RPS29: variants seen among roughly 807,000 people sequenced by gnomAD.
RPS29 encodes the protein ribosomal protein S29.
For synonymous variants in RPS29, 37 were observed against 26.9 expected (o/e 1.37, Z -1.16); for missense variants, 60 against 75.7 (o/e 0.79, Z 0.77).
At chr14:49,573,960 A>T (rs1032575191) in exon 3 of RPS29, 7 of 152,132 alleles carry the variant, frequency 4.6e-5, no homozygotes, top group Non-Finnish European at 8.8e-5. Flanking sequence ...GGCAAGTTTC[A>T]TTTCTTTTTA....
At chr14:49,575,039 CTTTCT>C (rs1881142718) in exon 3 of RPS29, 3 of 152,116 alleles carry the variant, frequency 2.0e-5, no homozygotes, top group Non-Finnish European at 2.9e-5. Flanking sequence ...TCAGGGATCT[CTTTCT>C]TTATCTTTTT....
upstream of RPS29, among the ~76,000 whole-genome samples, chr14:49,587,450 G>A (rs1411749985): frequency 6.6e-6 from 1 of 152,148 alleles, no homozygotes; most frequent in Non-Finnish European, 1.5e-5. Context: ...GTAGCACAGG[G>A]TGCAACAATT....
downstream of RPS29, among the ~76,000 whole-genome samples, chr14:49,581,876 T>G (rs762515060): frequency 2.0e-5 from 3 of 151,680 alleles, no homozygotes; most frequent in Admixed American, 6.6e-5. Flanking sequence ...CACAAAATAT[T>G]ATCCTGGCAT....
chr14:49,585,532 G>A (rs984030656), intron 2 of RPS29: 47 of 249,580 alleles, frequency 1.9e-4, no homozygotes, highest in African/African-American at 9.6e-4. Flanking sequence ...GCAGTGAGCC[G>A]TAACAACGCC....
chr14:49,592,091 T>G (rs1379074514), intron 1 of RPS29: 1 of 152,188 alleles, frequency 6.6e-6, no homozygotes, highest in Non-Finnish European at 1.5e-5. Flanking sequence ...TATTTATAAA[T>G]ACTTATGTAT....
At chr14:49,585,699 A>G (rs1881518873) in intron 2 of RPS29, 4 of 498,620 alleles carry the variant, frequency 8.0e-6, no homozygotes, top group African/African-American at 5.8e-5. Flanking sequence ...GGCACCTAAA[A>G]CTGGCTAAGC....
chr14:49,585,583 T>TA (rs71441227), intron 2 of RPS29: 58,533 of 284,992 alleles, frequency 0.21, 2,592 homozygotes, highest in Admixed American at 0.28. Flanking sequence ...ACCCTATCTC[T>TA]AAAAAAAAAA....
chr14:49,588,514 A>ATGTTT (rs67736785), upstream of RPS29, among the ~76,000 whole-genome samples: 1 of 151,596 alleles, frequency 6.6e-6, no homozygotes, highest in African/African-American at 2.4e-5. Context: ...AAGAGCTTTT[A>ATGTTT]TGTTTTGTTT....
downstream of RPS29, among the ~76,000 whole-genome samples, chr14:49,583,127 G>T (rs188787078): frequency 6.6e-6 from 1 of 152,110 alleles, no homozygotes; most frequent in South Asian, 2.1e-4. Flanking sequence ...GCCTGAACCT[G>T]CCAGGTTTTG....
At chr14:49,582,065 T>A (rs748607545), downstream of RPS29, among the ~76,000 whole-genome samples, 11 of 147,524 alleles carry the variant, frequency 7.5e-5, no homozygotes, top group Non-Finnish European at 1.2e-4. Flanking sequence ...CTCCCATCTA[T>A]CCTAATGCAA....
At chr14:49,592,944 C>T (rs1881747653) in intron 1 of RPS29, among the ~76,000 whole-genome samples, 1 of 152,054 alleles carries the variant, frequency 6.6e-6, no homozygotes, top group Non-Finnish European at 1.5e-5. Flanking sequence ...TGTCACACTA[C>T]TGCCTTTAGG....
At chr14:49,595,478 G>C (rs781059489) in intron 1 of RPS29, among the ~76,000 whole-genome samples, 3 of 152,078 alleles carry the variant, frequency 2.0e-5, no homozygotes, top group Non-Finnish European at 4.4e-5. Flanking sequence ...ATGGTGGCAC[G>C]CACCTGTAGT....
At chr14:49,586,394 C>G (rs544890619), upstream of RPS29, 4 of 1,532,416 alleles carry the variant, frequency 2.6e-6, no homozygotes, top group East Asian at 2.3e-5. Flanking sequence ...CTGGCCCACG[C>G]ATGCGCTCTT....
At chr14:49,578,442 CCT>C (rs1482915571) in intron 2 of RPS29, among the ~76,000 whole-genome samples, 8 of 151,910 alleles carry the variant, frequency 5.3e-5, no homozygotes, top group South Asian at 4.2e-4. Flanking sequence ...GATTTTTTTC[CCT>C]GTGTACTTGT....
chr14:49,588,875 CCTTTTTT>C (rs1341996389), upstream of RPS29, among the ~76,000 whole-genome samples: 75 of 108,402 alleles, frequency 6.9e-4, 1 homozygote, highest in Non-Finnish European at 1.4e-3. Context: ...GTTTCTGAGT[CCTTTTTT>C]TTTTTTTTTT....
chr14:49,581,506 T>A (rs1216830373), downstream of RPS29, among the ~76,000 whole-genome samples: 3 of 152,074 alleles, frequency 2.0e-5, no homozygotes, highest in African/African-American at 7.2e-5. Flanking sequence ...ATCCTTGGAG[T>A]CATTCTTAGA....
downstream of RPS29, among the ~76,000 whole-genome samples, chr14:49,580,358 T>C (rs1442515158): frequency 6.6e-6 from 1 of 152,132 alleles, no homozygotes; most frequent in Non-Finnish European, 1.5e-5. Flanking sequence ...CTCAACCTCA[T>C]CTCCCAATAT....
chr14:49,573,122 AAGAG>A (rs1881097210), exon 3 of RPS29: 1 of 151,432 alleles, frequency 6.6e-6, no homozygotes, highest in Non-Finnish European at 1.5e-5. Flanking sequence ...GAAAGAAAGA[AAGAG>A]AAAGAAAGAA....
intron 2 of RPS29, 54 bp downstream of exon 2, chr14:49,585,896 A>T (rs1484685762): frequency 7.3e-7 from 1 of 1,372,274 alleles, no homozygotes; most frequent in Non-Finnish European, 1.0e-6. Flanking sequence ...GGAAAAAATA[A>T]CCCCCACAAC....
Sources: allele counts gnomAD v4.1 joint callset (sites outside exome capture counted in the v4.1 genomes callset), GRCh38; gene constraint gnomAD v4.1.1; transcripts MANE v1.5; gene names NCBI Gene and HGNC (gene_info 2026-07-23, HGNC 2026-07-21).